The following PCDHA9 variants were observed in gnomAD, a reference collection of about 807,000 sequenced individuals.
The protein encoded by PCDHA9 is protocadherin alpha 9.
PCDHA9 carries 62 observed loss-of-function variants against 62.0 expected under a neutral mutation model. That is an observed-to-expected ratio of 1.00 (90% CI 0.81 to 1.23). The LOEUF is 1.23. Among genes scored for constraint, PCDHA9 ranks in the 50% most tolerant of loss-of-function variants. The probability of loss-of-function intolerance (pLI) is 0.00; values close to 1 mark genes in which losing one functional copy is unlikely to be tolerated. For missense variants in PCDHA9, 1,205 were observed against 1,249.8 expected (o/e 0.96, Z 0.54); for synonymous variants, 557 against 567.6 (o/e 0.98, Z 0.27).
intron 1 of PCDHA9, among the ~76,000 whole-genome samples, chr5:140,890,662 C>G (rs75284753): frequency 3.3e-5 from 5 of 152,136 alleles, no homozygotes; most frequent in South Asian, 2.1e-4. Flanking sequence ...CAAAAGTTAA[C>G]TGAAACCCTT....
intron 1 of PCDHA9, chr5:140,876,304 TCCTATGGGATC>T (rs1173311877): frequency 1.9e-6 from 3 of 1,613,956 alleles, no homozygotes; most frequent in Non-Finnish European, 2.5e-6. Context: ...TGGAGAAATT[TCCTATGGGATC>T]AAAATGATTT....
intron 1 of PCDHA9, chr5:140,876,762 G>A (rs1554168889): frequency 3.7e-6 from 6 of 1,614,252 alleles, no homozygotes; most frequent in Non-Finnish European, 5.1e-6. Flanking sequence ...CGCGGGATGG[G>A]GGCTCGCCTT....
At chr5:140,929,782 A>G (rs574140858) in intron 1 of PCDHA9, 12 of 168,464 alleles carry the variant, frequency 7.1e-5, no homozygotes, top group Non-Finnish European at 1.6e-4. Context: ...AGATGTAAAA[A>G]TAAATTACAA....
intron 3 of PCDHA9, among the ~76,000 whole-genome samples, chr5:141,001,011 A>G (rs912284389): frequency 3.9e-5 from 6 of 152,206 alleles, no homozygotes; most frequent in African/African-American, 1.4e-4. Context: ...ATGTATTTAG[A>G]TATACACTTA....
intron 1 of PCDHA9, among the ~76,000 whole-genome samples, chr5:140,921,323 G>C (rs192159885): frequency 7.2e-4 from 109 of 151,970 alleles, no homozygotes; most frequent in African/African-American, 2.6e-3. Context: ...GAGCTAATCT[G>C]TCTGGTCCAA....
rs957445106 is a variant in PCDHA9, at chr5:140,980,862, G to A, written c.2454-1613G>A. Among the ~76,000 whole-genome samples the A allele has an allele frequency of 5.1e-4, 77 of 152,202 alleles. 2 individuals are homozygous for A. Among genetic ancestry groups the A allele is most frequent in the African/African-American group, 1.7e-3 (72 of 41,546 alleles). ...AATAATACTAATCTTTTTCGTATGT[G>A]TGCTTGGGTGTTCTCGGTCTTTCCA... On this transcript the variant is annotated intron_variant, in intron 2 of 3. Coordinates refer to ENST00000532602, the MANE Select transcript of PCDHA9 (RefSeq NM_031857.2).
chr5:140,884,488 G>T, intron 1 of PCDHA9: 1 of 1,614,046 alleles, frequency 6.2e-7, no homozygotes, highest in East Asian at 2.2e-5. Context: ...CCACTCTAGT[G>T]TGCTCCAGCG....
intron 1 of PCDHA9, among the ~76,000 whole-genome samples, chr5:140,891,408 C>G (rs1341322877): frequency 2.0e-5 from 3 of 147,046 alleles, no homozygotes; most frequent in Admixed American, 6.8e-5. Flanking sequence ...TCGCCACCCC[C>G]CACTCTTGCC....
At position 140,944,954 on chromosome 5, in the gene PCDHA9, G is replaced by T. The variant is rs59917150; in HGVS notation, c.2395-33995G>T. Among the ~76,000 whole-genome samples the T allele has an allele frequency of 8.9e-3, 1,356 of 152,182 alleles. 15 individuals are homozygous for T. Among genetic ancestry groups the T allele is most frequent in the African/African-American group, 0.032 (1,311 of 41,514 alleles). ...CTTCTTTAGATGATTGTGAATAAGA[G>T]TATTATCTTAACCTCTCTGGTGGGT... On this transcript the variant is annotated intron_variant, in intron 1 of 3. Coordinates refer to ENST00000532602, the MANE Select transcript of PCDHA9 (RefSeq NM_031857.2).
intron 1 of PCDHA9, among the ~76,000 whole-genome samples, chr5:140,964,683 G>T (rs2095848322): frequency 6.6e-6 from 1 of 151,914 alleles, no homozygotes; most frequent in South Asian, 2.1e-4. Flanking sequence ...CACAATTTGT[G>T]CACTTGAGAG....
At chr5:140,860,192 C>CATATATATATAT (rs143984774) in intron 1 of PCDHA9, 7 of 146,860 alleles carry the variant, frequency 4.8e-5, no homozygotes, top group African/African-American at 1.8e-4. Context: ...GCTCTCCTTA[C>CATATATATATAT]ATATATATCT....
chr5:140,868,662 A>G (rs2050574102), intron 1 of PCDHA9: 1 of 163,768 alleles, frequency 6.1e-6, no homozygotes, highest in South Asian at 1.6e-4. Context: ...AGTATTTTAG[A>G]TAAGTAAAAG....
At chr5:140,951,597 C>T (rs1445745403) in intron 1 of PCDHA9, among the ~76,000 whole-genome samples, 1 of 152,098 alleles carries the variant, frequency 6.6e-6, no homozygotes, top group East Asian at 1.9e-4. Flanking sequence ...ATCTCTCTCA[C>T]TGTTATGAGA....
Position 140,848,412 on chromosome 5 carries a change from A to G in PCDHA9, c.-84A>G. ...CTCTGTGCTGAACGATGGCGAACAC[A>G]GCAGAATGGGACTGACGAAATCAGA... On this transcript the variant is annotated 5_prime_UTR_variant, in exon 1 of 4. Coordinates refer to ENST00000532602, the MANE Select transcript of PCDHA9 (RefSeq NM_031857.2). 2 of 1,379,818 alleles carry G rather than the reference A, an allele frequency of 1.4e-6. 1 individual carries two copies. Among genetic ancestry groups the G allele is most frequent in the Non-Finnish European group, 2.0e-6 (2 of 1,001,964 alleles). 85.5% of individuals were successfully genotyped at this position (1,379,818 alleles called of 1,614,324 possible).
intron 3 of PCDHA9, among the ~76,000 whole-genome samples, chr5:141,000,389 CTCTCTCTATATA>C (rs1270729414): frequency 5.3e-4 from 33 of 62,572 alleles, no homozygotes; most frequent in African/African-American, 2.0e-3. Context: ...CTCTCTCTCT[CTCTCTCTATATA>C]TATATATATA....
chr5:140,961,920 G>A (rs2095643236), intron 1 of PCDHA9, among the ~76,000 whole-genome samples: 1 of 147,904 alleles, frequency 6.8e-6, no homozygotes, highest in South Asian at 2.1e-4. Context: ...GTCTCGCTCT[G>A]TTGCCCAGGC....
chr5:140,946,648 C>A (rs1195536248), intron 1 of PCDHA9, among the ~76,000 whole-genome samples: 2 of 99,274 alleles, frequency 2.0e-5, no homozygotes, highest in African/African-American at 1.2e-4. Flanking sequence ...GAATACTCAT[C>A]AGCCATTAGA....
chr5:140,850,575 G>A lies in PCDHA9; in HGVS notation c.2080G>A (p.Val694Met). 1 of 1,598,458 alleles carries A rather than the reference G, an allele frequency of 6.3e-7. No homozygotes were observed. Among genetic ancestry groups the A allele is most frequent in the Non-Finnish European group, 8.6e-7 (1 of 1,167,884 alleles). Residue 694 changes from valine (V) to methionine (M), a missense_variant, in exon 1 of 4, where the codon GTG becomes ATG. This residue lies in a region of PCDHA9 where 887 missense variants were observed against 809.5 expected (regional missense o/e 1.10). Transcript: ENST00000532602. ...TGCCACGGGCCCCGAGGTGACGCTGGTGGATGTCAACGTGTACCTGATCAT... is the reference window on the plus strand; with the variant it reads ...TGCCACGGGCCCCGAGGTGACGCTGATGGATGTCAACGTGTACCTGATCAT... ...VGATGPEVTL[V>M]DVNVYLIIAI...
At chr5:140,883,904 G>C in intron 1 of PCDHA9, 1 of 1,613,344 alleles carries the variant, frequency 6.2e-7, no homozygotes, top group Non-Finnish European at 8.5e-7. Context: ...GCCGCCTCTG[G>C]GCAGCAACGT....
Sources: gnomAD v4.1 joint callset for allele counts (sites outside exome capture counted in the v4.1 genomes callset) on GRCh38, gnomAD v4.1.1 for gene constraint, gnomAD v4.1.1 regional missense constraint, MANE v1.5 for transcripts, NCBI Gene and HGNC (gene_info 2026-07-23, HGNC 2026-07-21) for gene names.